The following RBM27 variants were observed in gnomAD, a reference collection of about 807,000 sequenced individuals.
The protein encoded by RBM27 is RNA binding motif protein 27.
RBM27 carries 22 observed loss-of-function variants against 135.3 expected under a neutral mutation model. The ratio of observed to expected loss-of-function variants is 0.16; its 90% CI spans 0.12 to 0.23. The LOEUF (loss-of-function observed/expected upper bound fraction) is 0.23. Among genes scored for constraint, RBM27 ranks in the 10% least tolerant of loss-of-function variants. The pLI is 1.00. For missense variants in RBM27, 1,009 were observed against 1,281.0 expected (o/e 0.79, Z 3.24); for synonymous variants, 481 against 442.4 (o/e 1.09, Z -1.10).
chr5:146,267,401 C>A (rs754218247), intron 14 of RBM27, among the ~76,000 whole-genome samples: 5 of 152,138 alleles, frequency 3.3e-5, no homozygotes, highest in Non-Finnish European at 7.3e-5. Context: ...GTCACAGGAG[C>A]ACCTTTGTCT....
At chr5:146,212,168 G>T (rs543016713) in intron 1 of RBM27, among the ~76,000 whole-genome samples, 140 of 149,258 alleles carry the variant, frequency 9.4e-4, no homozygotes, top group Non-Finnish European at 1.7e-3. Context: ...TGATTCTCCT[G>T]TGTCAGCCTC....
chr5:146,206,129 A>G (rs939409568), intron 1 of RBM27, among the ~76,000 whole-genome samples: 1 of 152,230 alleles, frequency 6.6e-6, no homozygotes, highest in East Asian at 1.9e-4. Context: ...AGAAAAAACA[A>G]CCTACTTTCC....
intron 8 of RBM27, among the ~76,000 whole-genome samples, chr5:146,238,262 A>T (rs1044322756): frequency 6.6e-6 from 1 of 152,100 alleles, no homozygotes; most frequent in Non-Finnish European, 1.5e-5. Flanking sequence ...TAATCCTAGC[A>T]CTTTGGGAGG....
At chr5:146,212,873 C>T (rs562707863) in intron 1 of RBM27, among the ~76,000 whole-genome samples, 18 of 152,072 alleles carry the variant, frequency 1.2e-4, no homozygotes, top group African/African-American at 3.9e-4. Context: ...ACTACCGTGC[C>T]CAGCTAATAA....
intron 13 of RBM27, among the ~76,000 whole-genome samples, chr5:146,262,470 A>G (rs1185485826): frequency 2.0e-5 from 3 of 152,214 alleles, no homozygotes; most frequent in Non-Finnish European, 4.4e-5. Flanking sequence ...CTCAAAGCAT[A>G]TTTGATTGAA....
At chr5:146,257,197 T>C (rs1758142366) in intron 10 of RBM27, among the ~76,000 whole-genome samples, 1 of 152,246 alleles carries the variant, frequency 6.6e-6, no homozygotes, top group Admixed American at 6.5e-5. Flanking sequence ...CCTAACCATA[T>C]ACCTACCCCA....
chr5:146,267,151 A>C (rs1436141438), intron 14 of RBM27, among the ~76,000 whole-genome samples: 1 of 152,232 alleles, frequency 6.6e-6, no homozygotes, highest in African/African-American at 2.4e-5. Context: ...GACTTATTTT[A>C]GGATTTTGGC....
rs748179421 is a variant in RBM27, at chr5:146,233,536, A to G, written c.937A>G (p.Met313Val). Residue 313 changes from methionine (M) to valine (V), a missense_variant, in exon 7 of 21, where the codon ATG becomes GTG. Physicochemically the swap from Met to Val is conservative, Grantham distance 21. Coordinates refer to ENST00000265271, the MANE Select transcript of RBM27 (RefSeq NM_018989.2). The stretch of plus-strand genomic sequence containing the variant: ...TGTTGATGAAGTTGCTCTGCCAAGT[A>G]TGATTCCTTTCCCACCCCCTCCTCC... ...LVVDEVALPS[M>V]IPFPPPPPGL... The G allele has an allele frequency of 4.3e-6, 7 of 1,613,442 alleles. No homozygotes were observed. The highest frequency in any genetic ancestry group is 3.4e-6 in the Non-Finnish European group (4 of 1,179,874).
At chr5:146,211,628 T>C (rs1313640995) in intron 1 of RBM27, among the ~76,000 whole-genome samples, 2 of 151,696 alleles carry the variant, frequency 1.3e-5, no homozygotes, top group Admixed American at 6.6e-5. Flanking sequence ...ATTACGGGCA[T>C]GTGCCACCAC....
chr5:146,205,587 G>GT (rs74808201), intron 1 of RBM27, among the ~76,000 whole-genome samples: 24,905 of 151,960 alleles, frequency 0.16, 2,481 homozygotes, highest in Middle Eastern at 0.27. Context: ...TTGAATAGGG[G>GT]TTTTTTTAAC....
intron 8 of RBM27, among the ~76,000 whole-genome samples, chr5:146,238,708 T>G (rs1757273940): frequency 6.6e-6 from 1 of 152,126 alleles, no homozygotes; most frequent in Non-Finnish European, 1.5e-5. Context: ...TATGTTCCTC[T>G]TTTATGTAAC....
At chr5:146,239,472 CTTTTTTT>C (rs916182587) in intron 8 of RBM27, among the ~76,000 whole-genome samples, 12 of 55,370 alleles carry the variant, frequency 2.2e-4, no homozygotes, top group Admixed American at 1.4e-3. Flanking sequence ...TTTTCCTTTT[CTTTTTTT>C]TTTTTTTTTT....
intron 19 of RBM27, among the ~76,000 whole-genome samples, chr5:146,278,372 C>T (rs1759182725): frequency 2.0e-5 from 3 of 151,820 alleles, no homozygotes; most frequent in Non-Finnish European, 4.4e-5. Flanking sequence ...CACACGTAAA[C>T]AAAATGAAAA....
intron 3 of RBM27, among the ~76,000 whole-genome samples, chr5:146,223,960 A>G (rs1756563549): frequency 6.6e-6 from 1 of 152,222 alleles, no homozygotes; most frequent in African/African-American, 2.4e-5. Context: ...CACTGTCAAC[A>G]TTGGAAAGAG....
intron 1 of RBM27, among the ~76,000 whole-genome samples, chr5:146,211,458 T>A (rs1344850565): frequency 1.4e-5 from 2 of 139,032 alleles, no homozygotes; most frequent in Non-Finnish European, 3.1e-5. Context: ...TCCAGTATGG[T>A]CTTATCTTTT....
intron 1 of RBM27, among the ~76,000 whole-genome samples, chr5:146,210,087 T>C (rs956508729): frequency 1.3e-5 from 2 of 152,216 alleles, no homozygotes; most frequent in African/African-American, 4.8e-5. Flanking sequence ...TGTACTGTAA[T>C]TATTTGTTTT....
In RBM27 at chr5:146,237,428, A is replaced by G. The variant is rs762277733; in HGVS notation, c.1275A>G (p.Ser425=). ...PLPQNLLYTV[S]ERQPMYSREH... Reference sequence around the variant, plus strand: ...CCCAGAACCTCCTTTACACAGTATCAGAACGTAAGTACATGTTGTTTGACT... The same window carrying G: ...CCCAGAACCTCCTTTACACAGTATCGGAACGTAAGTACATGTTGTTTGACT... The change falls in exon 8 of 21, where the codon TCA becomes TCG. Residue 425 remains serine, a synonymous_variant. Transcript: ENST00000265271. 4.3e-6 allele frequency: 7 copies of G among 1,613,968 alleles called. No homozygotes were observed. The highest frequency in any genetic ancestry group is 5.9e-6 in the Non-Finnish European group (7 of 1,179,830).
At chr5:146,247,201 A>G (rs1757662894) in intron 8 of RBM27, among the ~76,000 whole-genome samples, 1 of 152,026 alleles carries the variant, frequency 6.6e-6, no homozygotes, top group Admixed American at 6.6e-5. Context: ...ATTGCTCCTC[A>G]AAATTCAGCT....
At position 146,219,045 on chromosome 5, in the gene RBM27, A is replaced by T. The variant is rs1308603414; in HGVS notation, c.120A>T (p.Lys40Asn). 6.2e-7 allele frequency: 1 copy of T among 1,613,712 alleles called. No individual in the cohort carries two copies. The highest frequency in any genetic ancestry group is 8.5e-7 in the Non-Finnish European group (1 of 1,179,860). Reference protein sequence around the residue: ...NYVVALVKKDKPEKELKAFCA... With the variant: ...NYVVALVKKDNPEKELKAFCA... ...TTGTAGCACTGGTCAAGAAGGACAA[A>T]CCTGAGAAAGAATTAAAAGCCTTTT... The change falls in exon 2 of 21, where the codon AAA becomes AAT. Residue 40 changes from lysine (K) to asparagine (N), a missense_variant. Lys to Asn is a moderately conservative substitution (Grantham distance 94). Transcript: ENST00000265271.
Sources: allele counts gnomAD v4.1 joint callset (sites outside exome capture counted in the v4.1 genomes callset), GRCh38; gene constraint gnomAD v4.1.1; transcripts MANE v1.5; gene names NCBI Gene and HGNC (gene_info 2026-07-23, HGNC 2026-07-21).